The following ABTB2 variants were observed in gnomAD, a reference collection of about 807,000 sequenced individuals.
The protein encoded by ABTB2 is ankyrin repeat and BTB domain containing 2, also known as ankyrin repeat and BTB/POZ domain-containing protein 2.
ABTB2 carries 56 observed loss-of-function variants against 104.1 expected under a neutral mutation model. The ratio of observed to expected loss-of-function variants is 0.54; its 90% CI spans 0.43 to 0.67. The LOEUF (loss-of-function observed/expected upper bound fraction) is 0.67. ABTB2 is among the 30% of genes least tolerant of loss of function. The pLI is 0.00. For synonymous variants in ABTB2, 606 were observed against 608.2 expected (o/e 1.00, Z 0.05); for missense variants, 1,279 against 1,407.7 (o/e 0.91, Z 1.46).
chr11:34,344,173 T>G (rs1413851157), intron 1 of ABTB2, among the ~76,000 whole-genome samples: 2 of 152,158 alleles, frequency 1.3e-5, no homozygotes, highest in South Asian at 4.1e-4. Flanking sequence ...TTCCCAGAAT[T>G]GAAGGACACA....
chr11:34,352,373 C>T (rs1339437217), intron 1 of ABTB2, among the ~76,000 whole-genome samples: 1 of 152,130 alleles, frequency 6.6e-6, no homozygotes, highest in Non-Finnish European at 1.5e-5. Flanking sequence ...TTTAAATTAG[C>T]CCCGTCACAC....
At position 34,154,347 on chromosome 11, in the gene ABTB2, T is replaced by C. The variant is rs764643868; in HGVS notation, c.2798A>G (p.Asp933Gly). The C allele has an allele frequency of 1.2e-6, 2 of 1,613,640 alleles. No homozygotes were observed. The highest frequency in any genetic ancestry group is 2.7e-5 in the African/African-American group (2 of 74,886). ...LLSAASLFQL[D>G]ALQRHCEILC... ...GATCTCGCAGTGCCTCTGCAGGGCA[T>C]CCAGCTGGAACAGGCTGGCAGCTGA... The change falls in exon 16 of 17, where the codon GAT (aspartate) becomes GGT (glycine). Residue 933 changes from aspartate (D) to glycine (G), a missense_variant. Transcript: ENST00000435224. This position sits in a 1 kb window ranked among gnomAD's most constrained non-coding sequence, Gnocchi z 4.9.
chr11:34,194,198 C>T (rs1224237600), intron 3 of ABTB2, among the ~76,000 whole-genome samples: 2 of 152,196 alleles, frequency 1.3e-5, no homozygotes, highest in Non-Finnish European at 2.9e-5. Context: ...CCCATATCAC[C>T]AAACTGAGCT....
At chr11:34,173,392 C>T in intron 3 of ABTB2, 85 bp from the exon 4 acceptor site, 2 of 1,451,242 alleles carry the variant, frequency 1.4e-6, no homozygotes, top group South Asian at 2.8e-5. Context: ...GAGGGTGCTT[C>T]TTGTGGGGCA....
At chr11:34,266,946 A>G (rs916068943) in intron 1 of ABTB2, among the ~76,000 whole-genome samples, 1 of 149,872 alleles carries the variant, frequency 6.7e-6, no homozygotes, top group East Asian at 2.0e-4. Context: ...AAATAAACAT[A>G]AAGCTCCTTT....
intron 1 of ABTB2, among the ~76,000 whole-genome samples, chr11:34,342,925 ATTTATTTATTTAT>A (rs1564937028): frequency 4.2e-5 from 1 of 23,864 alleles, no homozygotes. Context: ...CATTTCATTT[ATTTATTTATTTAT>A]TTATTTATTT....
intron 10 of ABTB2, among the ~76,000 whole-genome samples, chr11:34,162,312 A>AGGG (rs1349951974): frequency 6.6e-6 from 1 of 152,210 alleles, no homozygotes; most frequent in Non-Finnish European, 1.5e-5. Flanking sequence ...CCAGCCAGGC[A>AGGG]GGGTGGAGGG....
chr11:34,297,796 G>GACCAAAT (rs1246349952), intron 1 of ABTB2, among the ~76,000 whole-genome samples: 4 of 123,072 alleles, frequency 3.3e-5, no homozygotes, highest in Non-Finnish European at 6.7e-5. Flanking sequence ...AAAAATAAAG[G>GACCAAAT]AAAGAAAAAG....
At chr11:34,338,060 T>C (rs1855213633) in intron 1 of ABTB2, among the ~76,000 whole-genome samples, 1 of 152,006 alleles carries the variant, frequency 6.6e-6, no homozygotes, top group African/African-American at 2.4e-5. Context: ...CCCGTTTATC[T>C]AGAATCGCCG....
chr11:34,160,399 G>T (rs772065792), intron 11 of ABTB2, 46 bp from the exon 12 acceptor site: 2 of 1,392,004 alleles, frequency 1.4e-6, no homozygotes, highest in East Asian at 2.3e-5. Context: ...GCTGTGGCTG[G>T]CTGTTCACAG....
intron 1 of ABTB2, among the ~76,000 whole-genome samples, chr11:34,215,251 C>T (rs1004571895): frequency 3.3e-5 from 5 of 152,166 alleles, no homozygotes; most frequent in African/African-American, 1.2e-4. Flanking sequence ...TGCATCCTTC[C>T]CCTGCTAGGG....
At chr11:34,239,328 T>G (rs1247283253) in intron 1 of ABTB2, among the ~76,000 whole-genome samples, 1 of 152,136 alleles carries the variant, frequency 6.6e-6, no homozygotes, top group Non-Finnish European at 1.5e-5. Context: ...GCTTCATTGA[T>G]GCTGCTGTCT....
intron 1 of ABTB2, among the ~76,000 whole-genome samples, chr11:34,239,073 T>C (rs1453841611): frequency 2.0e-5 from 3 of 152,146 alleles, no homozygotes; most frequent in Non-Finnish European, 4.4e-5. Flanking sequence ...TTGTAATCTC[T>C]GACATCTGTT....
chr11:34,269,898 G>A (rs949556362), intron 1 of ABTB2, among the ~76,000 whole-genome samples: 1 of 152,084 alleles, frequency 6.6e-6, no homozygotes, highest in Non-Finnish European at 1.5e-5. Flanking sequence ...CACGTGACTC[G>A]ATCCTCTCAT....
intron 1 of ABTB2, among the ~76,000 whole-genome samples, chr11:34,293,847 C>A (rs1220994280): frequency 6.6e-6 from 1 of 152,130 alleles, no homozygotes; most frequent in African/African-American, 2.4e-5. Context: ...GCCTCAGCCT[C>A]CCAAGTAGCT....
intron 1 of ABTB2, among the ~76,000 whole-genome samples, chr11:34,231,619 G>A (rs1853770023): frequency 6.6e-6 from 1 of 152,168 alleles, no homozygotes; most frequent in Non-Finnish European, 1.5e-5. Context: ...CGCCCAGGCT[G>A]GAGTGCAATG....
intron 3 of ABTB2, among the ~76,000 whole-genome samples, chr11:34,194,794 T>A (rs950365593): frequency 1.4e-4 from 21 of 150,852 alleles, no homozygotes; most frequent in African/African-American, 5.1e-4. Flanking sequence ...TTTTTTTTCC[T>A]AATGGGGGTT....
At position 34,199,751 on chromosome 11, in the gene ABTB2, G is replaced by A. The variant is rs1853312750; in HGVS notation, c.1031-2213C>T. On this transcript the variant is annotated intron_variant, in intron 2 of 16. Coordinates refer to ENST00000435224, the MANE Select transcript of ABTB2 (RefSeq NM_145804.3). ...CCTCAGTTTTCTCATCTGTAAAATG[G>A]GAACAATAGTATCTACCCTACTGAT... Among the ~76,000 whole-genome samples the A allele has an allele frequency of 2.0e-5, 3 of 152,090 alleles. 1 individual carries two copies. In the South Asian group the frequency reaches 6.2e-4, roughly 32 times the overall value.
chr11:34,316,376 T>C (rs1337293316), intron 1 of ABTB2, among the ~76,000 whole-genome samples: 3 of 152,242 alleles, frequency 2.0e-5, no homozygotes, highest in African/African-American at 7.2e-5. Context: ...AGCACTCGCC[T>C]TTCAGCAATG....
Sources: gnomAD v4.1 joint callset for allele counts (sites outside exome capture counted in the v4.1 genomes callset) on GRCh38, gnomAD v4.1.1 for gene constraint, Gnocchi (gnomAD v3.1) non-coding constraint, MANE v1.5 for transcripts, NCBI Gene and HGNC (gene_info 2026-07-23, HGNC 2026-07-21) for gene names.